The following JAK2 variants were observed in gnomAD, a reference collection of about 807,000 sequenced individuals.
The protein encoded by JAK2 is Janus kinase 2.
In JAK2, 86 loss-of-function variants were observed where a neutral mutation model predicts 139.3. That is an observed-to-expected ratio of 0.62 (90% confidence interval 0.52 to 0.74). The LOEUF is 0.74. Among genes scored for constraint, JAK2 ranks in the 30% least tolerant of loss-of-function variants. The probability of loss-of-function intolerance (pLI) is 0.00; values close to 1 mark genes in which losing one functional copy is unlikely to be tolerated. For synonymous variants in JAK2, 490 were observed against 437.7 expected, an observed-to-expected ratio of 1.12 and a Z score of -1.49; for missense variants, 1,421 against 1,360.3, an observed-to-expected ratio of 1.04 and a Z score of -0.70.
chr9:5,092,646 A>G (rs1257209733), intron 22 of JAK2, among the ~76,000 whole-genome samples: 2 of 152,216 alleles, frequency 1.3e-5, no homozygotes, highest in East Asian at 1.9e-4. Context: ...TACCTTCTGC[A>G]TAAAGTATTA....
At chr9:5,048,880 T>C (rs1041468201) in intron 5 of JAK2, among the ~76,000 whole-genome samples, 3 of 152,192 alleles carry the variant, frequency 2.0e-5, no homozygotes, top group Non-Finnish European at 2.9e-5. Flanking sequence ...ATTCGCATTG[T>C]TATTTTAGGT....
At chr9:5,041,562 A>G (rs143862865) in intron 4 of JAK2, 10,603 of 521,824 alleles carry the variant, frequency 0.02, 164 homozygotes, top group Non-Finnish European at 0.031. Flanking sequence ...GGAGATGGCT[A>G]CGTACCTGCA....
intron 4 of JAK2, among the ~76,000 whole-genome samples, chr9:5,030,209 T>C (rs1019158387): frequency 6.6e-6 from 1 of 152,210 alleles, no homozygotes; most frequent in Non-Finnish European, 1.5e-5. Context: ...CCTAAATGTT[T>C]GGGATATTGC....
At chr9:5,036,036 C>T (rs894279759) in intron 4 of JAK2, among the ~76,000 whole-genome samples, 3 of 152,224 alleles carry the variant, frequency 2.0e-5, no homozygotes, top group Non-Finnish European at 4.4e-5. Flanking sequence ...AGCAAAGTCT[C>T]AGCATACAAA....
chr9:5,113,713 C>A, intron 22 of JAK2: 1 of 166,032 alleles, frequency 6.0e-6, no homozygotes. Context: ...CTGGGACCTT[C>A]CCAGCCACCA....
chr9:5,091,219 G>C, intron 22 of JAK2: 1 of 194,296 alleles, frequency 5.1e-6, no homozygotes, highest in East Asian at 1.3e-4. Context: ...TTGTGGTATT[G>C]TGTTGAATTT....
At chr9:5,036,532 T>C (rs763761674) in intron 4 of JAK2, among the ~76,000 whole-genome samples, 3 of 151,832 alleles carry the variant, frequency 2.0e-5, no homozygotes, top group African/African-American at 4.8e-5. Context: ...AACAGAGATA[T>C]AGACCAATGG....
rs1452543714 is a variant in JAK2 at position 5,034,593 on chromosome 9, A to G, written c.350+4687A>G. 1.6e-4 allele frequency among the ~76,000 whole-genome samples: 25 copies of G among 152,144 alleles called. No individual in the cohort carries two copies. The East Asian group carries it at 4.6e-3, about 28-fold the overall frequency. On this transcript the variant is annotated intron_variant, in intron 4 of 24. Transcript: ENST00000381652. ...CTCAGGATTAAGAAACTCACTCAAAACCACTCAACTACATGGAAACTGAAC... is the reference window on the plus strand; with the variant it reads ...CTCAGGATTAAGAAACTCACTCAAAGCCACTCAACTACATGGAAACTGAAC...
intron 2 of JAK2, among the ~76,000 whole-genome samples, chr9:4,986,993 A>G (rs1287255382): frequency 1.3e-5 from 2 of 152,214 alleles, no homozygotes; most frequent in Admixed American, 6.5e-5. Flanking sequence ...TGAATAATCA[A>G]TTTTTGGCCT....
intron 5 of JAK2, among the ~76,000 whole-genome samples, chr9:5,048,719 A>G (rs1817204200): frequency 6.6e-6 from 1 of 152,200 alleles, no homozygotes; most frequent in Non-Finnish European, 1.5e-5. Context: ...ATTAATAGAA[A>G]AGCAAATATA....
At position 5,065,562 on chromosome 9, in the gene JAK2, G is replaced by C. The variant is rs184697067; in HGVS notation, c.1214+522G>C. On this transcript the variant is annotated intron_variant, in intron 9 of 24. Coordinates refer to ENST00000381652, the MANE Select transcript of JAK2 (RefSeq NM_004972.4). ...CTACATGTGGCTGTTTAGCATTTGA[G>C]ATGTGGCTAATGCAACCGAGGAACT... Among the ~76,000 whole-genome samples the C allele has an allele frequency of 3.5e-4, 54 of 152,296 alleles. 1 individual carries two copies. The highest frequency in any genetic ancestry group is 3.4e-3 in the Admixed American group (52 of 15,296).
At chr9:5,007,565 G>C (rs954926784) in intron 2 of JAK2, among the ~76,000 whole-genome samples, 4 of 151,932 alleles carry the variant, frequency 2.6e-5, no homozygotes, top group Non-Finnish European at 4.4e-5. Flanking sequence ...AAAATATTAA[G>C]TAATCATTGA....
chr9:5,009,226 A>T (rs1213668127), intron 2 of JAK2, among the ~76,000 whole-genome samples: 2 of 152,318 alleles, frequency 1.3e-5, no homozygotes, highest in East Asian at 3.9e-4. Flanking sequence ...ACCTGTGGGA[A>T]AGGAGAGAAC....
Position 5,055,705 on chromosome 9 carries a change from G to T in JAK2, c.973G>T (p.Asp325Tyr). The change falls in exon 8 of 25, where the codon GAT (aspartate) becomes TAT (tyrosine). Residue 325 changes from aspartate (D) to tyrosine (Y), a missense_variant. Coordinates refer to ENST00000381652, the MANE Select transcript of JAK2 (RefSeq NM_004972.4). ...QLYCDFPNII[D>Y]VSIKQANQEG... is the part of the protein sequence containing the mutation. ...ATATTGCGATTTTCCTAATATTATT[G>T]ATGTCAGTATTAAGCAAGCAAACCA... 6.3e-7 allele frequency: 1 copy of T among 1,585,456 alleles called. No individual in the cohort carries two copies. Among genetic ancestry groups the T allele is most frequent in the South Asian group, 1.1e-5 (1 of 90,100 alleles).
chr9:5,006,102 G>T (rs956293427), intron 2 of JAK2, among the ~76,000 whole-genome samples: 1 of 152,070 alleles, frequency 6.6e-6, no homozygotes, highest in East Asian at 1.9e-4. Context: ...CCATTTTCAC[G>T]ATATTGATTC....
intron 22 of JAK2, among the ~76,000 whole-genome samples, chr9:5,115,175 G>A (rs916164748): frequency 6.6e-6 from 1 of 151,980 alleles, no homozygotes; most frequent in African/African-American, 2.4e-5. Flanking sequence ...CCTGACAAAA[G>A]GCTAATATCA....
intron 22 of JAK2, chr9:5,112,645 G>C (rs1456318490): frequency 3.0e-6 from 3 of 1,008,904 alleles, no homozygotes; most frequent in African/African-American, 1.7e-5. Flanking sequence ...AGAAGCCCCA[G>C]ACCAAACTCC....
In JAK2 at chr9:5,089,818, C is replaced by G. The variant is rs1294553893; in HGVS notation, c.2716C>G (p.Gln906Glu). ...EREIEILKSL[Q>E]HDNIVKYKGV... Reference sequence around the variant, plus strand: ...GGAAATTGAAATCCTGAAATCCCTACAGCATGACAACATTGTAAAGTACAA... The same window carrying G: ...GGAAATTGAAATCCTGAAATCCCTAGAGCATGACAACATTGTAAAGTACAA... Residue 906 changes from glutamine to glutamate, a missense_variant, in exon 20 of 25, where the codon CAG becomes GAG. Physicochemically the swap from Gln to Glu is conservative, Grantham distance 29. Transcript: ENST00000381652. The G allele has an allele frequency of 6.3e-7, 1 of 1,592,716 alleles. No individual in the cohort carries two copies. Among genetic ancestry groups the G allele is most frequent in the African/African-American group, 1.4e-5 (1 of 73,352 alleles).
rs377694416 is a variant in JAK2, at chr9:4,998,506, T to C, written c.-26+12484T>C. Among the ~76,000 whole-genome samples the C allele has an allele frequency of 4.7e-3, 710 of 152,146 alleles. 4 individuals are homozygous for C. The highest frequency in any genetic ancestry group is 0.016 in the African/African-American group (669 of 41,490). On this transcript the variant is annotated intron_variant, in intron 2 of 24. Coordinates refer to ENST00000381652, the MANE Select transcript of JAK2 (RefSeq NM_004972.4). ...TCCTGACCTCGTGATCCGCCCGCCT[T>C]GGCCTCCCAAAGTGCTGGGATTACA... is the stretch of plus-strand genomic sequence containing the variant.
Sources: gnomAD v4.1 joint callset for allele counts (sites outside exome capture counted in the v4.1 genomes callset) on GRCh38, gnomAD v4.1.1 for gene constraint, MANE v1.5 for transcripts, NCBI Gene and HGNC (gene_info 2026-07-23, HGNC 2026-07-21) for gene names.